PRDM5: variants seen among roughly 807,000 people sequenced by gnomAD.
PRDM5 encodes PR/SET domain 5.
Under a neutral mutation model 81.2 loss-of-function variants are expected in PRDM5, and 56 were observed. The observed-to-expected ratio is 0.69, with a 90% CI of 0.56 to 0.86. PRDM5 has a LOEUF of 0.86. Ranked by LOEUF, PRDM5 falls within the 40% of genes least tolerant of loss-of-function variation. PRDM5 has a pLI of 0.00. For synonymous variants in PRDM5, 267 were observed against 256.4 expected (o/e 1.04, Z -0.39); for missense variants, 697 against 770.1 (o/e 0.91, Z 1.12).
intron 12 of PRDM5, among the ~76,000 whole-genome samples, chr4:120,780,256 G>A (rs200176170): frequency 0.21 from 31,440 of 151,756 alleles, 3,702 homozygotes; most frequent in Non-Finnish European, 0.28. Context: ...ACCATCCTGG[G>A]CAACATAGCA....
intron 14 of PRDM5, among the ~76,000 whole-genome samples, chr4:120,747,456 AAAAT>A (rs1335216418): frequency 6.6e-6 from 1 of 151,990 alleles, no homozygotes; most frequent in African/African-American, 2.4e-5. Flanking sequence ...AAAAAATTAA[AAAAT>A]AAATAAATAA....
At chr4:120,827,111 C>T (rs1029230389) in intron 3 of PRDM5, among the ~76,000 whole-genome samples, 1 of 152,132 alleles carries the variant, frequency 6.6e-6, no homozygotes, top group Non-Finnish European at 1.5e-5. Context: ...CAAATCGACT[C>T]GCAAAGCCCT....
intron 14 of PRDM5, among the ~76,000 whole-genome samples, chr4:120,711,298 G>C (rs1201738764): frequency 6.6e-6 from 1 of 151,992 alleles, no homozygotes; most frequent in Non-Finnish European, 1.5e-5. Context: ...TGTGATTTAT[G>C]TATTTCCTTT....
At chr4:120,790,853 A>G (rs532106153) in intron 10 of PRDM5, among the ~76,000 whole-genome samples, 1 of 152,242 alleles carries the variant, frequency 6.6e-6, no homozygotes, top group East Asian at 1.9e-4. Context: ...CTGAGGTGGA[A>G]GACTGCTTGA....
chr4:120,808,839 C>A (rs773542034), intron 8 of PRDM5, among the ~76,000 whole-genome samples: 1 of 152,190 alleles, frequency 6.6e-6, no homozygotes, highest in Non-Finnish European at 1.5e-5. Flanking sequence ...CCAGGGTTTG[C>A]GGGCTGGCCG....
chr4:120,900,400 G>A (rs752866175), intron 2 of PRDM5, among the ~76,000 whole-genome samples: 1 of 152,162 alleles, frequency 6.6e-6, no homozygotes, highest in Non-Finnish European at 1.5e-5. Context: ...GATTTTAGGA[G>A]TTAAATGTCA....
intron 8 of PRDM5, among the ~76,000 whole-genome samples, chr4:120,806,358 C>T (rs894483275): frequency 1.3e-5 from 2 of 152,224 alleles, no homozygotes; most frequent in Middle Eastern, 3.4e-3. Flanking sequence ...CGTGAAAGTT[C>T]CTATGGAACT....
chr4:120,770,187 CA>C (rs759025885), intron 13 of PRDM5, among the ~76,000 whole-genome samples: 7 of 152,020 alleles, frequency 4.6e-5, no homozygotes, highest in Non-Finnish European at 7.4e-5. Flanking sequence ...CACCCATCAC[CA>C]AGGCTAATTT....
Position 120,818,530 on chromosome 4 carries a change from G to A in PRDM5, c.476-3C>T. The A allele has an allele frequency of 1.2e-6, 2 of 1,611,100 alleles. No individual in the cohort carries two copies. The highest frequency in any genetic ancestry group is 1.7e-6 in the Non-Finnish European group (2 of 1,177,414). On this transcript the variant is annotated splice_polypyrimidine_tract_variant and splice_region_variant and intron_variant, in intron 4 of 15. Coordinates refer to ENST00000264808, the MANE Select transcript of PRDM5 (RefSeq NM_018699.4). ...GTCCTCTTTACAGCCAAGGCGATCT[G>A]CACATTCACAAGGAAACATATTCAT...
At chr4:120,912,441 C>T (rs931485078) in intron 1 of PRDM5, among the ~76,000 whole-genome samples, 2 of 152,022 alleles carry the variant, frequency 1.3e-5, no homozygotes, top group Non-Finnish European at 2.9e-5. Context: ...CAGGTAAATC[C>T]AGATGTGAGA....
chr4:120,734,706 A>G (rs1740845006), intron 14 of PRDM5, among the ~76,000 whole-genome samples: 1 of 152,004 alleles, frequency 6.6e-6, no homozygotes, highest in Non-Finnish European at 1.5e-5. Context: ...TTTGGACAAT[A>G]TTCTGGGGCT....
At chr4:120,900,826 TAA>T (rs891776713) in intron 2 of PRDM5, among the ~76,000 whole-genome samples, 2 of 151,904 alleles carry the variant, frequency 1.3e-5, no homozygotes, top group Non-Finnish European at 2.9e-5. Context: ...ATTTATTGCT[TAA>T]AAAAAAGTTT....
intron 13 of PRDM5, among the ~76,000 whole-genome samples, chr4:120,776,133 T>A (rs898515760): frequency 2.0e-5 from 3 of 152,164 alleles, no homozygotes; most frequent in African/African-American, 7.2e-5. Context: ...TTAAGAAAAA[T>A]CTTCCTTTTC....
rs964597056 is a variant in PRDM5 at position 120,693,982 on chromosome 4, T to C, written c.*1129A>G. 6.6e-6 allele frequency: 1 copy of C among 152,162 alleles called. No individual in the cohort carries two copies. Among genetic ancestry groups the C allele is most frequent in the Non-Finnish European group, 1.5e-5 (1 of 68,022 alleles). The allele number at this position is 152,162 out of a possible 1,614,324, so 9.4% of individuals were successfully genotyped here. ...TGCTTCAATTTCCCTTAAGCATCAG[T>C]GACAGTTTCAATCATAACAATTGCC... is the stretch of plus-strand genomic sequence containing the variant. On this transcript the variant is annotated 3_prime_UTR_variant, in exon 16 of 16. Transcript: ENST00000264808.
chr4:120,872,150 C>CAAAA lies in PRDM5; in HGVS notation c.178-18614_178-18611dup, dbSNP rs70948365. On this transcript the variant is annotated intron_variant, in intron 2 of 15. Transcript: ENST00000264808. The stretch of plus-strand genomic sequence containing the variant: ...TGGGCGACAGAGCAAGACTCCATCT[C>CAAAA]AAAAAAAAAAAAAAAAAAAAAAAAC... Among the ~76,000 whole-genome samples, 30 of 41,824 alleles carry CAAAA rather than the reference C, an allele frequency of 7.2e-4. 1 individual carries two copies. The highest frequency in any genetic ancestry group is 2.2e-3 in the African/African-American group (18 of 8,366). 27.4% of individuals were successfully genotyped at this position (41,824 alleles called of 152,430 possible).
chr4:120,898,519 C>T (rs1418288435), intron 2 of PRDM5, among the ~76,000 whole-genome samples: 2 of 152,172 alleles, frequency 1.3e-5, no homozygotes, highest in African/African-American at 4.8e-5. Flanking sequence ...AATCAGCAGT[C>T]TGACCACTTC....
intron 2 of PRDM5, among the ~76,000 whole-genome samples, chr4:120,854,946 G>A (rs1759704507): frequency 6.6e-6 from 1 of 152,066 alleles, no homozygotes; most frequent in African/African-American, 2.4e-5. Context: ...ACAATAAGAA[G>A]GTTATGAGGC....
intron 13 of PRDM5, among the ~76,000 whole-genome samples, chr4:120,755,207 G>A (rs1291927690): frequency 6.6e-6 from 1 of 152,120 alleles, no homozygotes; most frequent in African/African-American, 2.4e-5. Flanking sequence ...CTCTCACCTA[G>A]AGGCTATAAT....
At chr4:120,767,353 T>C (rs1746526917) in intron 13 of PRDM5, among the ~76,000 whole-genome samples, 1 of 152,192 alleles carries the variant, frequency 6.6e-6, no homozygotes, top group Non-Finnish European at 1.5e-5. Context: ...ACAGGAAATG[T>C]TGAAAAACGC....
Sources: gnomAD v4.1 joint callset for allele counts (sites outside exome capture counted in the v4.1 genomes callset) on GRCh38, gnomAD v4.1.1 for gene constraint, MANE v1.5 for transcripts, NCBI Gene and HGNC (gene_info 2026-07-23, HGNC 2026-07-21) for gene names.